Variants in CCSER1 observed in about 807,000 individuals in gnomAD.
CCSER1 encodes coiled-coil serine rich protein 1.
In CCSER1, 41 loss-of-function variants were observed where a neutral mutation model predicts 82.0. The observed-to-expected ratio is 0.50, with a 90% confidence interval of 0.39 to 0.65. CCSER1 has a LOEUF of 0.65. Among genes scored for constraint, CCSER1 ranks in the 30% least tolerant of loss-of-function variants. The probability of loss-of-function intolerance (pLI) is 0.00; values close to 1 mark genes in which losing one functional copy is unlikely to be tolerated. For missense variants in CCSER1, 1,119 were observed against 1,064.2 expected, an observed-to-expected ratio of 1.05 and a Z score of -0.72; for synonymous variants, 414 against 383.9, an observed-to-expected ratio of 1.08 and a Z score of -0.92.
intron 9 of CCSER1, among the ~76,000 whole-genome samples, chr4:91,065,082 G>T (rs1234866420): frequency 4.0e-5 from 6 of 151,638 alleles, no homozygotes; most frequent in African/African-American, 7.3e-5. Flanking sequence ...AAAAAAAAAA[G>T]TGCTTTGTAA....
At position 91,500,015 on chromosome 4, in the gene CCSER1, G is replaced by A. The variant is rs181353796; in HGVS notation, c.2218-98557G>A. On this transcript the variant is annotated intron_variant, in intron 10 of 10. Coordinates refer to ENST00000509176, the MANE Select transcript of CCSER1 (RefSeq NM_001145065.2). The stretch of plus-strand genomic sequence containing the variant: ...ATAAGTGCAATTCCTAAACCTTATC[G>A]TAAGAGTATATTTAGTTTTTTAAGA... Among the ~76,000 whole-genome samples the A allele has an allele frequency of 4.1e-3, 624 of 152,052 alleles. 6 individuals carry two copies. Among genetic ancestry groups the A allele is most frequent in the African/African-American group, 0.014 (583 of 41,510 alleles).
intron 7 of CCSER1, among the ~76,000 whole-genome samples, chr4:90,771,743 T>C (rs1752213314): frequency 6.6e-6 from 1 of 152,098 alleles, no homozygotes; most frequent in Non-Finnish European, 1.5e-5. Flanking sequence ...CATGGGAAAT[T>C]GGCTTTCTTT....
chr4:90,612,161 A>G (rs926001954), intron 5 of CCSER1, among the ~76,000 whole-genome samples: 38 of 152,130 alleles, frequency 2.5e-4, no homozygotes, highest in African/African-American at 8.4e-4. Context: ...AAAAAAATAA[A>G]CTATTTAGTT....
At chr4:90,749,356 G>T (rs968483305) in intron 7 of CCSER1, among the ~76,000 whole-genome samples, 3 of 151,592 alleles carry the variant, frequency 2.0e-5, no homozygotes, top group African/African-American at 7.3e-5. Flanking sequence ...GTAGATATGC[G>T]GCGTTATTTC....
rs192115272 is a variant in CCSER1, at chr4:90,492,970, T to C, written c.1724+24616T>C. On this transcript the variant is annotated intron_variant, in intron 5 of 10. Transcript: ENST00000509176. ...TTCAGAAGATCAAACTTCTCCGAGC[T>C]AAAGGAGGAAGTTCGAACCCTTTGA... 9.3e-4 allele frequency among the ~76,000 whole-genome samples: 141 copies of C among 152,288 alleles called. 1 individual carries two copies. The East Asian group carries it at 0.015, about 16-fold the overall frequency.
chr4:91,276,839 AG>A (rs1264828709), intron 10 of CCSER1, among the ~76,000 whole-genome samples: 1 of 151,258 alleles, frequency 6.6e-6, no homozygotes, highest in Non-Finnish European at 1.5e-5. Flanking sequence ...CCTATAAGGC[AG>A]TTTTTTTGAG....
At chr4:91,393,053 T>A (rs917964868) in intron 10 of CCSER1, among the ~76,000 whole-genome samples, 2 of 152,092 alleles carry the variant, frequency 1.3e-5, no homozygotes, top group Non-Finnish European at 2.9e-5. Flanking sequence ...GAGTAATAGA[T>A]AATGGACAAT....
intron 10 of CCSER1, among the ~76,000 whole-genome samples, chr4:91,399,599 G>A (rs1752198862): frequency 6.6e-6 from 1 of 151,884 alleles, no homozygotes; most frequent in Admixed American, 6.6e-5. Context: ...GTTTTAGCTT[G>A]CTTTGACCTG....
chr4:91,249,676 C>A (rs1740099054), intron 10 of CCSER1, among the ~76,000 whole-genome samples: 1 of 152,082 alleles, frequency 6.6e-6, no homozygotes, highest in African/African-American at 2.4e-5. Flanking sequence ...TCCAGAAAGT[C>A]TTTTCTGAGT....
In CCSER1 at chr4:91,409,592, C is replaced by G. The variant is rs138797016; in HGVS notation, c.2218-188980C>G. Reference sequence around the variant, plus strand: ...AGATTTTTATTCTTCCCAAGCAATACTGTTTATACATTCAAAATCTTATAG... The same window carrying G: ...AGATTTTTATTCTTCCCAAGCAATAGTGTTTATACATTCAAAATCTTATAG... On this transcript the variant is annotated intron_variant, in intron 10 of 10. Transcript: ENST00000509176. 2.1e-3 allele frequency among the ~76,000 whole-genome samples: 323 copies of G among 152,256 alleles called. 2 individuals are homozygous for G. Among genetic ancestry groups the G allele is most frequent in the African/African-American group, 7.3e-3 (304 of 41,548 alleles).
rs7657375 is a variant in CCSER1 at position 90,912,684 on chromosome 4, G to A, written c.2095-10686G>A. Among the ~76,000 whole-genome samples the A allele has an allele frequency of 5.9e-5, 9 of 151,958 alleles. No individual in the cohort carries two copies. The East Asian group carries it at 1.2e-3, about 20-fold the overall frequency. ...AGAAGAAGGCTTCAGAGGATCAAACGTTTCCAAGCTAAAGGAGGAAGTTCG... is the reference window on the plus strand; with the variant it reads ...AGAAGAAGGCTTCAGAGGATCAAACATTTCCAAGCTAAAGGAGGAAGTTCG... On this transcript the variant is annotated intron_variant, in intron 8 of 10. Coordinates refer to ENST00000509176, the MANE Select transcript of CCSER1 (RefSeq NM_001145065.2).
At chr4:91,313,146 T>A (rs1451930899) in intron 10 of CCSER1, among the ~76,000 whole-genome samples, 2 of 151,922 alleles carry the variant, frequency 1.3e-5, no homozygotes, top group East Asian at 3.9e-4. Context: ...CATTTTAAAA[T>A]CTGTCTTCTC....
At chr4:91,354,702 G>T (rs1028706047) in intron 10 of CCSER1, among the ~76,000 whole-genome samples, 2 of 152,172 alleles carry the variant, frequency 1.3e-5, no homozygotes, top group African/African-American at 4.8e-5. Flanking sequence ...CTTTTGGGCT[G>T]GGAATTCATC....
intron 5 of CCSER1, among the ~76,000 whole-genome samples, chr4:90,511,854 A>G (rs1293183497): frequency 6.6e-6 from 1 of 152,192 alleles, no homozygotes; most frequent in East Asian, 1.9e-4. Flanking sequence ...TGGCTTAACC[A>G]CAAAGAACCC....
At chr4:90,236,828 A>T (rs1231674682) in intron 1 of CCSER1, among the ~76,000 whole-genome samples, 3 of 152,070 alleles carry the variant, frequency 2.0e-5, no homozygotes. Flanking sequence ...ATAACATGTT[A>T]GATGTTGTCA....
At chr4:90,796,180 G>T (rs556764685) in intron 7 of CCSER1, among the ~76,000 whole-genome samples, 1 of 151,946 alleles carries the variant, frequency 6.6e-6, no homozygotes, top group Non-Finnish European at 1.5e-5. Flanking sequence ...CTTATTATTC[G>T]TCTGTTCAGG....
intron 10 of CCSER1, among the ~76,000 whole-genome samples, chr4:91,147,171 G>T (rs1729621942): frequency 6.6e-6 from 1 of 152,210 alleles, no homozygotes; most frequent in African/African-American, 2.4e-5. Flanking sequence ...TGGTGATGCG[G>T]TAGGTCAAGA....
chr4:91,014,641 AGCCAG>A (rs1350925445), intron 9 of CCSER1, among the ~76,000 whole-genome samples: 11 of 82,772 alleles, frequency 1.3e-4, no homozygotes, highest in East Asian at 5.1e-4. Flanking sequence ...TTTTTAACAA[AGCCAG>A]ATTCTTATTT....
intron 10 of CCSER1, among the ~76,000 whole-genome samples, chr4:91,562,397 G>A (rs1762694279): frequency 1.3e-5 from 2 of 151,416 alleles, no homozygotes; most frequent in South Asian, 2.1e-4. Flanking sequence ...TCTGTACTAA[G>A]TATCATTGTT....
Sources: allele counts gnomAD v4.1 joint callset (sites outside exome capture counted in the v4.1 genomes callset), GRCh38; gene constraint gnomAD v4.1.1; transcripts MANE v1.5; gene names NCBI Gene and HGNC (gene_info 2026-07-23, HGNC 2026-07-21).